The following RPS6KC1 variants were observed in gnomAD, a reference collection of about 807,000 sequenced individuals.
RPS6KC1 encodes the protein inactive ribosomal protein S6 kinase delta-1.
A neutral mutation model predicts 103.8 loss-of-function variants in RPS6KC1; 54 were observed. The observed-to-expected ratio is 0.52, with a 90% CI of 0.42 to 0.65. The LOEUF (loss-of-function observed/expected upper bound fraction) is 0.65, where lower values mean the gene tolerates loss of function less well. Ranked by LOEUF, RPS6KC1 falls within the 30% of genes least tolerant of loss-of-function variation. RPS6KC1 has a pLI of 0.00. For synonymous variants in RPS6KC1, 439 were observed against 438.7 expected (o/e 1.00, Z -0.01); for missense variants, 1,151 against 1,253.8 (o/e 0.92, Z 1.24).
the RPS6KC1 span, among the ~76,000 whole-genome samples, chr1:213,345,578 C>T: frequency 6.6e-6 from 1 of 152,202 alleles, no homozygotes; most frequent in Admixed American, 6.5e-5. Context: ...TTGTTAGAAG[C>T]TAGGCTTCGG....
At chr1:213,608,010 G>T in the RPS6KC1 span, among the ~76,000 whole-genome samples, 1 of 152,096 alleles carries the variant, frequency 6.6e-6, no homozygotes, top group Non-Finnish European at 1.5e-5. Flanking sequence ...ATCCTGATTC[G>T]GTTCCCCAAA....
rs1553340162 is a variant in RPS6KC1 at position 213,137,777 on chromosome 1, CTA to C, written c.835+7910_835+7911del. 1.9e-3 allele frequency among the ~76,000 whole-genome samples: 121 copies of C among 63,570 alleles called. 2 individuals carry two copies. Among genetic ancestry groups the C allele is most frequent in the African/African-American group, 0.012 (110 of 9,388 alleles). The allele number at this position is 63,570 out of a possible 152,430, so 41.7% of individuals were successfully genotyped here. On this transcript the variant is annotated intron_variant, in intron 6 of 14. Coordinates refer to ENST00000366960, the MANE Select transcript of RPS6KC1 (RefSeq NM_012424.6). The stretch of plus-strand genomic sequence containing the variant: ...GCTCTCTCTCTCTCTCTCTCTCTCT[CTA>C]TATATATATATATATATATATTTTT...
intron 8 of RPS6KC1, among the ~76,000 whole-genome samples, chr1:213,229,638 G>T (rs905588618): frequency 2.2e-4 from 33 of 151,974 alleles, no homozygotes; most frequent in Non-Finnish European, 5.9e-5. Context: ...CTTTAATAGG[G>T]TAGGATAATT....
the RPS6KC1 span, among the ~76,000 whole-genome samples, chr1:213,563,375 T>C: frequency 6.6e-6 from 1 of 152,148 alleles, no homozygotes; most frequent in African/African-American, 2.4e-5. Flanking sequence ...ACAGATTATA[T>C]ATCTGATTTT....
chr1:213,661,589 T>C, the RPS6KC1 span, among the ~76,000 whole-genome samples: 1 of 152,186 alleles, frequency 6.6e-6, no homozygotes, highest in Non-Finnish European at 1.5e-5. Context: ...AGAAATGCGA[T>C]TGTATGACTT....
the RPS6KC1 span, among the ~76,000 whole-genome samples, chr1:213,776,044 C>A: frequency 6.6e-6 from 1 of 152,192 alleles, no homozygotes; most frequent in Non-Finnish European, 1.5e-5. Context: ...TCAGGCTCCA[C>A]TTCTAATTGT....
At chr1:213,773,820 T>A in the RPS6KC1 span, among the ~76,000 whole-genome samples, 1 of 152,318 alleles carries the variant, frequency 6.6e-6, no homozygotes. Flanking sequence ...GGTCAACTGA[T>A]TGCAGGTCTT....
the RPS6KC1 span, among the ~76,000 whole-genome samples, chr1:213,510,391 T>G: frequency 6.6e-6 from 1 of 152,234 alleles, no homozygotes; most frequent in East Asian, 1.9e-4. Context: ...GGAGGTTAAG[T>G]ACTGTGTAGT....
chr1:213,661,131 G>T, the RPS6KC1 span, among the ~76,000 whole-genome samples: 1 of 151,986 alleles, frequency 6.6e-6, no homozygotes, highest in Non-Finnish European at 1.5e-5. Flanking sequence ...CAGAGCTTAA[G>T]CTGCCCCCTT....
intron 5 of RPS6KC1, among the ~76,000 whole-genome samples, chr1:213,128,372 TC>T (rs1228454843): frequency 3.9e-5 from 6 of 152,238 alleles, no homozygotes; most frequent in Non-Finnish European, 8.8e-5. Flanking sequence ...TTTATACATT[TC>T]TAGACTTCTT....
the RPS6KC1 span, among the ~76,000 whole-genome samples, chr1:213,541,514 G>A: frequency 1.3e-5 from 2 of 151,992 alleles, no homozygotes; most frequent in Non-Finnish European, 2.9e-5. Flanking sequence ...TGTCTGCAAA[G>A]CATAAAAATG....
rs550966859 is a variant in RPS6KC1 at position 213,151,539 on chromosome 1, A to C, written c.836-16319A>C. Reference sequence around the variant, plus strand: ...GCAGAGGGGCTCCTCGCTTCCCAGTAGGGGCGGCTGGGCAGAGGCGCCCCT... The same window carrying C: ...GCAGAGGGGCTCCTCGCTTCCCAGTCGGGGCGGCTGGGCAGAGGCGCCCCT... On this transcript the variant is annotated intron_variant, in intron 6 of 14. Transcript: ENST00000366960. Among the ~76,000 whole-genome samples, 21 of 77,650 alleles carry C rather than the reference A, an allele frequency of 2.7e-4. No individual in the cohort carries two copies. In the East Asian group the frequency reaches 7.6e-3, roughly 28 times the overall value. The allele number at this position is 77,650 out of a possible 152,430, so 50.9% of individuals were successfully genotyped here.
the RPS6KC1 span, among the ~76,000 whole-genome samples, chr1:213,486,925 G>A: frequency 6.6e-6 from 1 of 152,214 alleles, no homozygotes; most frequent in Non-Finnish European, 1.5e-5. Context: ...ATATAGAACT[G>A]TTGGAAGTTC....
intron 12 of RPS6KC1, among the ~76,000 whole-genome samples, chr1:213,253,970 G>A (rs1450671850): frequency 6.6e-6 from 1 of 152,078 alleles, no homozygotes; most frequent in African/African-American, 2.4e-5. Flanking sequence ...ATAAAACTTT[G>A]TTATTCTGTG....
chr1:213,820,767 G>A, the RPS6KC1 span: 1 of 152,140 alleles, frequency 6.6e-6, no homozygotes, highest in African/African-American at 2.4e-5. Context: ...GTTGACATCA[G>A]GCCAGTCACG....
chr1:213,655,097 C>T, the RPS6KC1 span, among the ~76,000 whole-genome samples: 1 of 152,194 alleles, frequency 6.6e-6, no homozygotes, highest in Non-Finnish European at 1.5e-5. Flanking sequence ...GGCTGGAATG[C>T]AGTTGCATGA....
chr1:213,581,730 C>A, the RPS6KC1 span, among the ~76,000 whole-genome samples: 1 of 152,152 alleles, frequency 6.6e-6, no homozygotes, highest in African/African-American at 2.4e-5. Flanking sequence ...GGTGTCTACA[C>A]CCTCATAAGA....
the RPS6KC1 span, among the ~76,000 whole-genome samples, chr1:213,370,146 G>A: frequency 6.6e-6 from 1 of 152,162 alleles, no homozygotes; most frequent in African/African-American, 2.4e-5. Context: ...CAGGGAAAGA[G>A]CTCTTCTTTC....
chr1:213,065,738 A>G (rs772853534), intron 1 of RPS6KC1, among the ~76,000 whole-genome samples: 2 of 152,224 alleles, frequency 1.3e-5, no homozygotes, highest in Non-Finnish European at 2.9e-5. Context: ...TCTCCATTGT[A>G]CTGCAGTACC....
Sources: allele counts gnomAD v4.1 joint callset (sites outside exome capture counted in the v4.1 genomes callset), GRCh38; gene constraint gnomAD v4.1.1; transcripts MANE v1.5; gene names NCBI Gene and HGNC (gene_info 2026-07-23, HGNC 2026-07-21).